The following PRKAR1A variants were observed in gnomAD, a reference collection of about 807,000 sequenced individuals.
PRKAR1A encodes cAMP-dependent protein kinase type I-alpha regulatory subunit.
A neutral mutation model predicts 52.0 loss-of-function variants in PRKAR1A; 3 were observed. The ratio of observed to expected loss-of-function variants is 0.06; its 90% CI spans 0.03 to 0.15. The LOEUF (loss-of-function observed/expected upper bound fraction) is 0.15. Ranked by LOEUF, PRKAR1A falls within the 10% of genes least tolerant of loss-of-function variation. The probability of loss-of-function intolerance (pLI) is 1.00; values close to 1 mark genes in which losing one functional copy is unlikely to be tolerated. For missense variants in PRKAR1A, 240 were observed against 477.4 expected (o/e 0.50, Z 4.63); for synonymous variants, 188 against 168.4 (o/e 1.12, Z -0.90).
At chr17:68,548,658 T>C (rs1379879351) in intron 11 of PRKAR1A, among the ~76,000 whole-genome samples, 2 of 151,950 alleles carry the variant, frequency 1.3e-5, no homozygotes, top group African/African-American at 4.8e-5. Flanking sequence ...GCCTTCACTT[T>C]GTAAAAAACC....
the PRKAR1A span, among the ~76,000 whole-genome samples, chr17:68,431,447 G>T: frequency 6.6e-6 from 1 of 152,104 alleles, no homozygotes. Flanking sequence ...GGTTCTGGGG[G>T]TGGTGGCTGC....
chr17:68,442,498 T>C, the PRKAR1A span, among the ~76,000 whole-genome samples: 3 of 151,182 alleles, frequency 2.0e-5, no homozygotes, highest in Non-Finnish European at 4.4e-5. Flanking sequence ...AAACATCTGT[T>C]TGCAAGGGAG....
upstream of PRKAR1A, among the ~76,000 whole-genome samples, chr17:68,508,500 G>A (rs2085224690): frequency 6.6e-6 from 1 of 152,260 alleles, no homozygotes; most frequent in African/African-American, 2.4e-5. Flanking sequence ...ACATAAAGAT[G>A]GCAGCAATAG....
the PRKAR1A span, chr17:68,457,497 G>C: frequency 4.7e-6 from 6 of 1,263,500 alleles, no homozygotes; most frequent in South Asian, 2.0e-5. Context: ...CCGGCTCCAC[G>C]GGCCGGGTCG....
At chr17:68,431,096 G>A in the PRKAR1A span, among the ~76,000 whole-genome samples, 14 of 152,138 alleles carry the variant, frequency 9.2e-5, no homozygotes, top group South Asian at 2.1e-4. Context: ...CCTGTGCTCC[G>A]GGCTGGGGTT....
At chr17:68,543,646 T>A in intron 11 of PRKAR1A, 1 of 1,614,120 alleles carries the variant, frequency 6.2e-7, no homozygotes, top group South Asian at 1.1e-5. Flanking sequence ...GATGGAAAGC[T>A]GCGATCTCAG....
At chr17:68,450,777 C>T in the PRKAR1A span, 1 of 1,613,708 alleles carries the variant, frequency 6.2e-7, no homozygotes, top group Non-Finnish European at 8.5e-7. Context: ...GCTGTAATTA[C>T]AGATCTCTGT....
the PRKAR1A span, among the ~76,000 whole-genome samples, chr17:68,472,852 C>T: frequency 4.6e-5 from 7 of 151,228 alleles, no homozygotes; most frequent in Admixed American, 2.6e-4. Context: ...GGCTGAGGCA[C>T]GAGAATCACT....
chr17:68,474,612 T>C, the PRKAR1A span, among the ~76,000 whole-genome samples: 2 of 152,006 alleles, frequency 1.3e-5, no homozygotes, highest in Non-Finnish European at 2.9e-5. Flanking sequence ...AATAAATAAA[T>C]AGGGCGGGAG....
Position 68,532,636 on chromosome 17 carries a change from C to T in PRKAR1A, c.*2187C>T, listed in dbSNP as rs980268520. ...TTACTGCTCTAGAAAGTATAGATGG[C>T]CAAAGGACCGTTTTGTATTGCTTCC... On this transcript the variant is annotated 3_prime_UTR_variant, in exon 11 of 11. Coordinates refer to ENST00000589228, the MANE Select transcript of PRKAR1A (RefSeq NM_002734.5). The T allele has an allele frequency of 3.8e-6, 4 of 1,065,926 alleles. No individual in the cohort carries two copies. The highest frequency in any genetic ancestry group is 1.0e-4 in the East Asian group (2 of 20,094). The allele number at this position is 1,065,926 out of a possible 1,614,324, so 66.0% of individuals were successfully genotyped here.
At chr17:68,517,695 C>A (rs753722342) in intron 2 of PRKAR1A, among the ~76,000 whole-genome samples, 20 of 152,150 alleles carry the variant, frequency 1.3e-4, no homozygotes, top group Non-Finnish European at 2.9e-4. Context: ...TGGACACAGC[C>A]AAACCATATC....
chr17:68,543,602 TGCC>T, intron 11 of PRKAR1A: 1 of 1,605,256 alleles, frequency 6.2e-7, no homozygotes. Flanking sequence ...TTATAGGCAA[TGCC>T]ATCTCCATGG....
At chr17:68,421,768 T>G in the PRKAR1A span, 1 of 1,614,182 alleles carries the variant, frequency 6.2e-7, no homozygotes, top group Admixed American at 1.7e-5. Context: ...GAGGTGTGCT[T>G]CTCATCATGA....
Position 68,525,887 on chromosome 17 carries a change from G to A in PRKAR1A, c.683G>A (p.Arg228Gln), listed in dbSNP as rs768934933. Residue 228 changes from arginine (R) to glutamine (Q), a missense_variant, in exon 7 of 11, where the codon CGA (arginine) becomes CAA (glutamine). Transcript: ENST00000589228. ...KTNVKLWGID[R>Q]DSYRRILMGS... is the part of the protein sequence containing the mutation. ...AATGTGAAATTGTGGGGCATCGACC[G>A]AGACAGCTATAGAAGAATCCTCATG... is the stretch of plus-strand genomic sequence containing the variant. 1 of 1,613,682 alleles carries A rather than the reference G, an allele frequency of 6.2e-7. No individual in the cohort carries two copies.
At chr17:68,466,923 T>G in the PRKAR1A span, among the ~76,000 whole-genome samples, 4 of 152,188 alleles carry the variant, frequency 2.6e-5, no homozygotes, top group African/African-American at 9.6e-5. Flanking sequence ...CTACTACCCA[T>G]CCCTCCTCCC....
Position 68,531,427 on chromosome 17 carries a change from T to A in PRKAR1A, c.*978T>A. On this transcript the variant is annotated 3_prime_UTR_variant, in exon 11 of 11. Coordinates refer to ENST00000589228, the MANE Select transcript of PRKAR1A (RefSeq NM_002734.5). ...TGACTAGATACAGATGGAGCAAATG[T>A]CCTAACAGAGAAATAGAGGTGATGC... The A allele has an allele frequency of 9.4e-7, 1 of 1,066,056 alleles. No homozygotes were observed. The highest frequency in any genetic ancestry group is 1.1e-6 in the Non-Finnish European group (1 of 879,622). 66.0% of individuals were successfully genotyped at this position (1,066,056 alleles called of 1,614,324 possible). A position where few individuals can be genotyped will look rare whatever the true frequency, so the allele number is the denominator to read the frequency against.
At chr17:68,548,725 ATTTT>A (rs753348891) in intron 11 of PRKAR1A, among the ~76,000 whole-genome samples, 1 of 79,158 alleles carries the variant, frequency 1.3e-5, no homozygotes, top group African/African-American at 5.5e-5. Flanking sequence ...ATGCCTGTAT[ATTTT>A]TTTTTTTTTT....
chr17:68,540,626 C>G (rs1170993933), intron 11 of PRKAR1A: 1 of 647,316 alleles, frequency 1.5e-6, no homozygotes, highest in Non-Finnish European at 2.8e-6. Context: ...GGTGAGATGC[C>G]TGCCTTATGA....
At chr17:68,435,918 C>G in the PRKAR1A span, among the ~76,000 whole-genome samples, 1 of 152,252 alleles carries the variant, frequency 6.6e-6, no homozygotes, top group African/African-American at 2.4e-5. Flanking sequence ...ATTTCCATCC[C>G]TTTTCCTGCC....
Sources: gnomAD v4.1 joint callset for allele counts (sites outside exome capture counted in the v4.1 genomes callset) on GRCh38, gnomAD v4.1.1 for gene constraint, MANE v1.5 for transcripts, NCBI Gene and HGNC (gene_info 2026-07-23, HGNC 2026-07-21) for gene names.